Variants in SANBR observed in about 807,000 individuals in gnomAD.
SANBR encodes SANT and BTB domain regulator of class switch recombination.
SANBR carries 77 observed loss-of-function variants against 101.8 expected under a neutral mutation model. That is an observed-to-expected ratio of 0.76 (90% CI 0.63 to 0.91). The LOEUF (loss-of-function observed/expected upper bound fraction) is 0.91, where lower values mean the gene tolerates loss of function less well. Among genes scored for constraint, SANBR ranks in the 40% least tolerant of loss-of-function variants. SANBR has a pLI of 0.00. For synonymous variants in SANBR, 279 were observed against 274.7 expected (o/e 1.02, Z -0.15); for missense variants, 875 against 853.0 (o/e 1.03, Z -0.32).
intron 1 of SANBR, among the ~76,000 whole-genome samples, chr2:61,068,146 G>T (rs541354450): frequency 6.6e-6 from 1 of 152,280 alleles, no homozygotes; most frequent in Admixed American, 6.5e-5. Context: ...GTTAAAGAGA[G>T]AAATAAACAG....
At chr2:61,112,513 T>A (rs531669526) in intron 16 of SANBR, among the ~76,000 whole-genome samples, 41 of 152,270 alleles carry the variant, frequency 2.7e-4, no homozygotes, top group Non-Finnish European at 5.0e-4. Flanking sequence ...TTCTTTTTTT[T>A]TGAGATAGAG....
chr2:61,097,869 G>C lies in SANBR; in HGVS notation c.1365+17G>C, dbSNP rs1195178678. 1 of 1,597,836 alleles carries C rather than the reference G, an allele frequency of 6.3e-7. No individual in the cohort carries two copies. On this transcript the variant is annotated intron_variant, in intron 12 of 21. Transcript: ENST00000402291. ...CTTACAAAGGTGAATTTTGAATATT[G>C]CCCTTAGTAGCTACAGTTTTTAAAG...
rs750580329 is a variant in SANBR at position 61,103,908 on chromosome 2, A to G, written c.1421A>G (p.Asp474Gly). ...CTTCGTGATCAAGGTGAAGGCGGAG[A>G]TTTGCCGTCCTGTCCCACTGCTAGA... ...VTLRDQGEGGDLPSCPTARML... is the reference protein window; with the variant it reads ...VTLRDQGEGGGLPSCPTARML... The change falls in exon 13 of 22, where the codon GAT becomes GGT. Residue 474 changes from aspartate to glycine, a missense_variant. Coordinates refer to ENST00000402291, the MANE Select transcript of SANBR (RefSeq NM_001129993.3). 3 of 1,614,058 alleles carry G rather than the reference A, an allele frequency of 1.9e-6. No homozygotes were observed. The African/African-American group carries it at 4.0e-5, about 22-fold the overall frequency.
intron 7 of SANBR, 115 bp downstream of exon 7, chr2:61,081,625 A>G: frequency 1.8e-6 from 2 of 1,142,732 alleles, no homozygotes; most frequent in South Asian, 1.7e-5. Context: ...TGAAAAAACA[A>G]TTTAAAAAAT....
In SANBR at chr2:61,098,074, TA is replaced by T. The variant is rs199498220; in HGVS notation, c.1365+223del. Among the ~76,000 whole-genome samples the T allele has an allele frequency of 4.6e-3, 680 of 147,808 alleles. 5 individuals carry two copies. Among genetic ancestry groups the T allele is most frequent in the Middle Eastern group, 0.014 (4 of 280 alleles). ...GGCACAAATTATATATATATATATA[TA>T]TATTTTTTGGAGGTTTTTGTTTTTT... On this transcript the variant is annotated intron_variant, in intron 12 of 21. Transcript: ENST00000402291.
intron 17 of SANBR, among the ~76,000 whole-genome samples, chr2:61,116,331 A>G (rs868036438): frequency 6.6e-6 from 1 of 152,218 alleles, no homozygotes; most frequent in Admixed American, 6.5e-5. Flanking sequence ...TTGTATATGC[A>G]TAAAATGTTT....
chr2:61,130,929 C>CAAAAA (rs59171411), intron 20 of SANBR, among the ~76,000 whole-genome samples: 1,966 of 13,236 alleles, frequency 0.15, 846 homozygotes, highest in Middle Eastern at 0.25. Context: ...GACTCTGTCT[C>CAAAAA]AAAAAAAAAA....
At chr2:61,072,952 G>A (rs1054603934) in intron 4 of SANBR, among the ~76,000 whole-genome samples, 13 of 149,384 alleles carry the variant, frequency 8.7e-5, no homozygotes, top group Non-Finnish European at 1.8e-4. Context: ...GCAGCCTCCT[G>A]AGCAGCTGGA....
At chr2:61,133,441 A>G (rs1387538947) in intron 20 of SANBR, among the ~76,000 whole-genome samples, 1 of 151,804 alleles carries the variant, frequency 6.6e-6, no homozygotes, top group Non-Finnish European at 1.5e-5. Flanking sequence ...TAATTTTCTT[A>G]TGTGAATTTC....
chr2:61,106,161 G>A (rs56045611), intron 13 of SANBR, among the ~76,000 whole-genome samples: 9,342 of 152,014 alleles, frequency 0.061, 1,011 homozygotes, highest in African/African-American at 0.21. Flanking sequence ...GGGAGCCAAG[G>A]CGGGTGGATC....
intron 17 of SANBR, 177 bp from the exon 18 acceptor site, chr2:61,117,180 G>A: frequency 3.3e-6 from 2 of 610,084 alleles, no homozygotes; most frequent in East Asian, 5.5e-5. Context: ...TTATTATGAA[G>A]ATATTAATAG....
In SANBR at chr2:61,074,307, T is replaced by A. The variant is rs546429547; in HGVS notation, c.431+756T>A. On this transcript the variant is annotated intron_variant, in intron 5 of 21. Transcript: ENST00000402291. ...TACTTAATGCCACTGAACTTAAAAG[T>A]GGTTAAAGTGGTAAATTTTACTTTT... Among the ~76,000 whole-genome samples the A allele has an allele frequency of 2.0e-5, 3 of 152,326 alleles. No individual in the cohort carries two copies. The East Asian group carries it at 5.8e-4, about 29-fold the overall frequency.
chr2:61,067,107 C>G (rs572506607), intron 1 of SANBR, among the ~76,000 whole-genome samples: 1 of 152,276 alleles, frequency 6.6e-6, no homozygotes, highest in Non-Finnish European at 1.5e-5. Context: ...TCCATCAATG[C>G]TATGCCTTTT....
rs756310997 is a variant in SANBR at position 61,083,210 on chromosome 2, A to T, written c.786A>T (p.Pro262=). ...ATATGAATGCCATAGTAGCTACCCC[A>T]TGCAACATGAACTGTATTAATGCAA... ...HKNMNAIVAT[P]CNMNCINANL... is the part of the protein sequence containing the mutation. Residue 262 remains proline (P), a synonymous_variant, in exon 8 of 22, where the codon CCA becomes CCT. Coordinates refer to ENST00000402291, the MANE Select transcript of SANBR (RefSeq NM_001129993.3). 6.2e-7 allele frequency: 1 copy of T among 1,611,346 alleles called. No individual in the cohort carries two copies. Among genetic ancestry groups the T allele is most frequent in the South Asian group, 1.1e-5 (1 of 91,054 alleles).
At position 61,071,739 on chromosome 2, in the gene SANBR, TAC is replaced by T; in HGVS notation, c.286_287del (p.His96TrpfsTer11). 1 of 1,604,548 alleles carries T rather than the reference TAC, an allele frequency of 6.2e-7. No homozygotes were observed. The highest frequency in any genetic ancestry group is 8.5e-7 in the Non-Finnish European group (1 of 1,177,440). ...TATATCAAATCCTCACTTCTTGACA[TAC>T]ATGGAGAATTTCAGGAGACTCCAGT... On this transcript the variant is annotated frameshift_variant, in exon 4 of 22. Transcript: ENST00000402291. LOFTEE classifies it high-confidence loss of function.
At chr2:61,130,929 CA>C (rs59171411) in intron 20 of SANBR, among the ~76,000 whole-genome samples, 715 of 13,042 alleles carry the variant, frequency 0.055, 2 homozygotes, top group African/African-American at 0.17. Context: ...GACTCTGTCT[CA>C]AAAAAAAAAA....
chr2:61,095,387 T>A (rs1682984259), intron 11 of SANBR, among the ~76,000 whole-genome samples: 1 of 152,186 alleles, frequency 6.6e-6, no homozygotes, highest in Admixed American at 6.5e-5. Flanking sequence ...GTTCTCAAAT[T>A]TTTAAAATTA....
rs968218346 is a variant in SANBR, at chr2:61,122,845, T to C, written c.*683T>C. The C allele has an allele frequency of 3.7e-5, 36 of 985,106 alleles. No homozygotes were observed. The highest frequency in any genetic ancestry group is 4.3e-5 in the Non-Finnish European group (36 of 829,608). 61.0% of individuals were successfully genotyped at this position (985,106 alleles called of 1,614,324 possible). A position where few individuals can be genotyped will look rare whatever the true frequency, so the allele number is the denominator to read the frequency against. Reference sequence around the variant, plus strand: ...CTGAGCTGGAATTACTGATTATTACTCTGTCCTCTGTGAAACTAGTGGCAT... The same window carrying C: ...CTGAGCTGGAATTACTGATTATTACCCTGTCCTCTGTGAAACTAGTGGCAT... On this transcript the variant is annotated 3_prime_UTR_variant, in exon 22 of 22. Coordinates refer to ENST00000402291, the MANE Select transcript of SANBR (RefSeq NM_001129993.3).
intron 16 of SANBR, among the ~76,000 whole-genome samples, chr2:61,112,873 T>C (rs993912395): frequency 6.6e-6 from 1 of 152,226 alleles, no homozygotes; most frequent in Non-Finnish European, 1.5e-5. Context: ...CCTTTTTATG[T>C]TCCATTATTT....
Sources: allele counts gnomAD v4.1 joint callset (sites outside exome capture counted in the v4.1 genomes callset), GRCh38; gene constraint gnomAD v4.1.1; transcripts MANE v1.5; gene names NCBI Gene and HGNC (gene_info 2026-07-23, HGNC 2026-07-21).